The following SZRD1 variants were observed in gnomAD, a reference collection of about 807,000 sequenced individuals.
SZRD1 encodes SUZ RNA-binding domain-containing.
SZRD1 carries 7 observed loss-of-function variants against 17.6 expected under a neutral mutation model. The observed-to-expected ratio is 0.40, with a 90% CI of 0.23 to 0.75. SZRD1 has a LOEUF of 0.75. Ranked by LOEUF, SZRD1 falls within the 30% of genes least tolerant of loss-of-function variation. The pLI is 0.38. For missense variants in SZRD1, 178 were observed against 201.8 expected, an observed-to-expected ratio of 0.88 and a Z score of 0.71; for synonymous variants, 77 against 77.9, an observed-to-expected ratio of 0.99 and a Z score of 0.06.
chr1:16,392,455 C>T (rs2085234889), intron 2 of SZRD1, among the ~76,000 whole-genome samples: 1 of 152,152 alleles, frequency 6.6e-6, no homozygotes, highest in Admixed American at 6.6e-5. Flanking sequence ...TGTCATTCCA[C>T]CTCTCCCTGT....
intron 1 of SZRD1, among the ~76,000 whole-genome samples, chr1:16,378,618 T>C (rs965805773): frequency 6.6e-6 from 1 of 151,968 alleles, no homozygotes; most frequent in Non-Finnish European, 1.5e-5. Flanking sequence ...GATCGGGGCC[T>C]TGGGAGTCAG....
chr1:16,376,497 G>T (rs2083004224), intron 1 of SZRD1, among the ~76,000 whole-genome samples: 1 of 152,120 alleles, frequency 6.6e-6, no homozygotes, highest in African/African-American at 2.4e-5. Context: ...TTGGCCAAGT[G>T]GAAAAAGATA....
chr1:16,388,678 CTTTTTTTTTTTTTTTTT>C (rs950662267), intron 1 of SZRD1, among the ~76,000 whole-genome samples: 1 of 92,164 alleles, frequency 1.1e-5, no homozygotes, highest in African/African-American at 4.4e-5. Flanking sequence ...AAGAATAAGT[CTTTTTTTTTTTTTTTTT>C]TTTTTTTTGA....
At position 16,389,334 on chromosome 1, in the gene SZRD1, G is replaced by A. The variant is rs180887993; in HGVS notation, c.52-2041G>A. Among the ~76,000 whole-genome samples, 949 of 148,122 alleles carry A rather than the reference G, an allele frequency of 6.4e-3. 4 individuals carry two copies. Among genetic ancestry groups the A allele is most frequent in the African/African-American group, 0.023 (909 of 40,208 alleles). On this transcript the variant is annotated intron_variant, in intron 1 of 3. Coordinates refer to ENST00000401088, the MANE Select transcript of SZRD1 (RefSeq NM_001114600.3). The stretch of plus-strand genomic sequence containing the variant: ...GGCTGGAGTGCAGTGGCGCCATCTC[G>A]GCTCACTGCAAGCTTCGCCTCCCGG...
Position 16,397,451 on chromosome 1 carries a change from A to G in SZRD1, c.*2311A>G, listed in dbSNP as rs1483619201. The G allele has an allele frequency of 6.6e-6, 1 of 152,244 alleles. No homozygotes were observed. Among genetic ancestry groups the G allele is most frequent in the Non-Finnish European group, 1.5e-5 (1 of 68,050 alleles). 9.4% of individuals were successfully genotyped at this position (152,244 alleles called of 1,614,324 possible). Reference sequence around the variant, plus strand: ...TATTTTTTGGGGGTAGTTGTCTGTAACTTTCCTAAGTGCTTTTTTTCCTTT... The same window carrying G: ...TATTTTTTGGGGGTAGTTGTCTGTAGCTTTCCTAAGTGCTTTTTTTCCTTT... On this transcript the variant is annotated 3_prime_UTR_variant, in exon 4 of 4. Coordinates refer to ENST00000401088, the MANE Select transcript of SZRD1 (RefSeq NM_001114600.3). This position sits in a 1 kb window ranked among gnomAD's most constrained non-coding sequence, Gnocchi z 5.4.
intron 1 of SZRD1, among the ~76,000 whole-genome samples, chr1:16,377,386 C>T (rs1209782272): frequency 6.6e-6 from 1 of 152,062 alleles, no homozygotes. Context: ...AGTTCAAGAC[C>T]AGTCTGGCCA....
chr1:16,380,440 TTACAAGCATGTGCCAC>T (rs1461809163), intron 1 of SZRD1, among the ~76,000 whole-genome samples: 7 of 152,092 alleles, frequency 4.6e-5, no homozygotes, highest in African/African-American at 1.7e-4. Flanking sequence ...GCAGCTGGAA[TTACAAGCATGTGCCAC>T]CATGCCTGGC....
chr1:16,389,814 T>C (rs2100743286), intron 1 of SZRD1, among the ~76,000 whole-genome samples: 1 of 152,348 alleles, frequency 6.6e-6, no homozygotes, highest in Non-Finnish European at 1.5e-5. Context: ...ATGGGGCAGA[T>C]CTCACCAAAT....
Position 16,372,525 on chromosome 1 carries a change from C to T in SZRD1, c.51+5217C>T, listed in dbSNP as rs1234663206. 2.6e-5 allele frequency among the ~76,000 whole-genome samples: 4 copies of T among 152,112 alleles called. No homozygotes were observed. The East Asian group carries it at 7.7e-4, about 29-fold the overall frequency. The stretch of plus-strand genomic sequence containing the variant: ...ATGAGCTAACCCAGCTAGGGGAAGG[C>T]AGCAGATGATATAAAAATGTAATTG... On this transcript the variant is annotated intron_variant, in intron 1 of 3. Transcript: ENST00000401088.
chr1:16,376,666 TGTG>T (rs147567789), intron 1 of SZRD1, among the ~76,000 whole-genome samples: 4,074 of 151,624 alleles, frequency 0.027, 179 homozygotes, highest in African/African-American at 0.091. Flanking sequence ...ATTAGCCAGG[TGTG>T]GTGGCAGGTG....
intron 1 of SZRD1, among the ~76,000 whole-genome samples, chr1:16,368,404 CAGTG>C (rs946828815): frequency 4.9e-4 from 74 of 152,248 alleles, no homozygotes; most frequent in African/African-American, 1.7e-3. Context: ...TGGCAGCAGT[CAGTG>C]GGTGTATCTA....
At chr1:16,389,270 G>A (rs2085182813) in intron 1 of SZRD1, among the ~76,000 whole-genome samples, 1 of 136,280 alleles carries the variant, frequency 7.3e-6, no homozygotes, top group East Asian at 2.1e-4. Flanking sequence ...TTTTTTTGAG[G>A]GGGGGTGGGG....
At chr1:16,379,152 C>A (rs1451424881) in intron 1 of SZRD1, among the ~76,000 whole-genome samples, 1 of 152,120 alleles carries the variant, frequency 6.6e-6, no homozygotes, top group Non-Finnish European at 1.5e-5. Flanking sequence ...TGGAGTCTCG[C>A]TCTGTCGCCC....
rs563162688 is a variant in SZRD1, at chr1:16,382,958, C to T, written c.52-8417C>T. ...TCAGCTTACTGCAACCTCCGCCTCC[C>T]GGGTTCTAGCGATTCTCCTGCCTCA... On this transcript the variant is annotated intron_variant, in intron 1 of 3. Transcript: ENST00000401088. Among the ~76,000 whole-genome samples, 350 of 151,872 alleles carry T rather than the reference C, an allele frequency of 2.3e-3. 4 individuals carry two copies. The highest frequency in any genetic ancestry group is 8.0e-3 in the African/African-American group (333 of 41,428).
At chr1:16,367,494 CTCCTT>C (rs938403732) in intron 1 of SZRD1, among the ~76,000 whole-genome samples, 186 bp downstream of exon 1, 13 of 152,242 alleles carry the variant, frequency 8.5e-5, no homozygotes, top group Non-Finnish European at 1.8e-4. Flanking sequence ...ATCCATTTCT[CTCCTT>C]TCCTTTGCCT....
intron 1 of SZRD1, among the ~76,000 whole-genome samples, chr1:16,390,000 A>G (rs61769429): frequency 0.13 from 20,022 of 152,234 alleles, 1,507 homozygotes; most frequent in African/African-American, 0.2. Context: ...GCATTTCCCC[A>G]ATAGTGGCAA....
At chr1:16,392,197 G>A (rs1423359329) in intron 2 of SZRD1, among the ~76,000 whole-genome samples, 1 of 152,114 alleles carries the variant, frequency 6.6e-6, no homozygotes, top group Non-Finnish European at 1.5e-5. Flanking sequence ...TACAGTCCTC[G>A]TTCCATACCA....
rs2100750216 is a variant in SZRD1 at position 16,393,061 on chromosome 1, C to T, written c.102-167C>T. The stretch of plus-strand genomic sequence containing the variant: ...TGGTCGCAAGCTTACTTTTTTGGGA[C>T]ACCCTTCTTGAGGAGTGGAAATTTT... On this transcript the variant is annotated intron_variant, in intron 2 of 3. Coordinates refer to ENST00000401088, the MANE Select transcript of SZRD1 (RefSeq NM_001114600.3). The surrounding 1 kb of genome is among the most constrained non-coding windows in gnomAD (Gnocchi z 5.6). 6.6e-6 allele frequency among the ~76,000 whole-genome samples: 1 copy of T among 152,188 alleles called. No individual in the cohort carries two copies. Among genetic ancestry groups the T allele is most frequent in the South Asian group, 2.1e-4 (1 of 4,826 alleles).
rs990572338 is a variant in SZRD1, at chr1:16,395,279, T to TCCGC, written c.*142_*145dup. ...TTACTTGCACTGTGATCCCCCTTGCTCCGCCCACTGTGACCTTGAACCCCA... is the reference window on the plus strand; with the variant it reads ...TTACTTGCACTGTGATCCCCCTTGCTCCGCCCGCCCACTGTGACCTTGAACCCCA... On this transcript the variant is annotated 3_prime_UTR_variant, in exon 4 of 4. Transcript: ENST00000401088. 22 of 711,084 alleles carry TCCGC rather than the reference T, an allele frequency of 3.1e-5. No individual in the cohort carries two copies. The African/African-American group carries it at 3.7e-4, about 12-fold the overall frequency. The allele number at this position is 711,084 out of a possible 1,614,324, so 44.0% of individuals were successfully genotyped here.
Sources: gnomAD v4.1 joint callset for allele counts (sites outside exome capture counted in the v4.1 genomes callset) on GRCh38, gnomAD v4.1.1 for gene constraint, Gnocchi (gnomAD v3.1) non-coding constraint, MANE v1.5 for transcripts, NCBI Gene and HGNC (gene_info 2026-07-23, HGNC 2026-07-21) for gene names.